The following CATSPERT variants were observed in gnomAD, a reference collection of about 807,000 sequenced individuals.
CATSPERT encodes the protein catsper channel auxiliary subunit tau.
the CATSPERT span, chr2:201,601,669 A>C: frequency 7.1e-7 from 1 of 1,409,216 alleles, no homozygotes; most frequent in Non-Finnish European, 9.6e-7. Flanking sequence ...TTATAAAAAG[A>C]CAGAATTAGG....
the CATSPERT span, among the ~76,000 whole-genome samples, chr2:201,534,056 CTAT>C: frequency 7.1e-6 from 1 of 140,440 alleles, no homozygotes; most frequent in African/African-American, 2.5e-5. Context: ...ATCTATCTAT[CTAT>C]CTATCTATCT....
the CATSPERT span, among the ~76,000 whole-genome samples, chr2:201,489,735 T>A: frequency 2.0e-5 from 3 of 152,222 alleles, no homozygotes; most frequent in Non-Finnish European, 4.4e-5. Flanking sequence ...TTATGGGTCA[T>A]GCCTGTTATG....
chr2:201,499,501 C>G, the CATSPERT span, among the ~76,000 whole-genome samples: 2 of 152,094 alleles, frequency 1.3e-5, no homozygotes, highest in Non-Finnish European at 2.9e-5. Flanking sequence ...CTTTCCATAA[C>G]TAATCCAGCA....
chr2:201,545,461 C>G, the CATSPERT span: 1 of 944,130 alleles, frequency 1.1e-6, no homozygotes, highest in African/African-American at 1.7e-5. Context: ...CTACTTAAAG[C>G]AAATTACTAA....
chr2:201,538,577 G>A, the CATSPERT span, among the ~76,000 whole-genome samples: 1 of 152,020 alleles, frequency 6.6e-6, no homozygotes, highest in South Asian at 2.1e-4. Flanking sequence ...ATCTTTTATG[G>A]TACTCTATGA....
the CATSPERT span, among the ~76,000 whole-genome samples, chr2:201,584,501 C>A: frequency 1.3e-4 from 20 of 151,714 alleles, no homozygotes; most frequent in South Asian, 4.2e-4. Context: ...GAAATAATAG[C>A]TAGCCAGGCA....
chr2:201,569,364 C>T, the CATSPERT span, among the ~76,000 whole-genome samples: 1 of 152,156 alleles, frequency 6.6e-6, no homozygotes, highest in Non-Finnish European at 1.5e-5. Flanking sequence ...TTCCTATCTA[C>T]TCATGTCTAG....
the CATSPERT span, among the ~76,000 whole-genome samples, chr2:201,489,668 A>G: frequency 6.6e-6 from 1 of 152,198 alleles, no homozygotes; most frequent in Non-Finnish European, 1.5e-5. Flanking sequence ...TATGCACATC[A>G]AAGTATCAAT....
At chr2:201,495,862 A>G in the CATSPERT span, 1 of 1,388,916 alleles carries the variant, frequency 7.2e-7, no homozygotes, top group East Asian at 2.3e-5. Flanking sequence ...AATTAAGTAT[A>G]ATGATACTGG....
the CATSPERT span, chr2:201,492,501 A>C: frequency 6.5e-7 from 1 of 1,535,862 alleles, no homozygotes; most frequent in South Asian, 1.2e-5. Context: ...CCTTTGAAAT[A>C]TCTTGTTCTA....
the CATSPERT span, among the ~76,000 whole-genome samples, chr2:201,572,766 A>AG: frequency 6.6e-6 from 1 of 152,220 alleles, no homozygotes; most frequent in Non-Finnish European, 1.5e-5. Context: ...AAAGCAGAGA[A>AG]GGGAAAAAAA....
At chr2:201,507,823 G>A in the CATSPERT span, among the ~76,000 whole-genome samples, 2 of 152,132 alleles carry the variant, frequency 1.3e-5, no homozygotes, top group Non-Finnish European at 2.9e-5. Context: ...ATCATGGTGG[G>A]AGGTGAAGGG....
At chr2:201,591,365 C>G in the CATSPERT span, among the ~76,000 whole-genome samples, 470 of 152,270 alleles carry the variant, frequency 3.1e-3, 3 homozygotes, top group African/African-American at 0.01. Flanking sequence ...GGTACCAGTA[C>G]CATGCTGTTT....
chr2:201,498,471 TC>T, the CATSPERT span, among the ~76,000 whole-genome samples: 1 of 152,068 alleles, frequency 6.6e-6, no homozygotes, highest in African/African-American at 2.4e-5. Flanking sequence ...TCTGCTTTGT[TC>T]TAGCTGAGCT....
chr2:201,572,032 G>A, the CATSPERT span: 7 of 1,583,076 alleles, frequency 4.4e-6, no homozygotes, highest in Non-Finnish European at 6.0e-6. Flanking sequence ...TGAAAAAAAT[G>A]TAAGTGTATT....
chr2:201,492,580 G>A, the CATSPERT span: 1 of 1,530,726 alleles, frequency 6.5e-7, no homozygotes, highest in South Asian at 1.2e-5. Flanking sequence ...AGTCTCAGAT[G>A]CTGTCTCATT....
At chr2:201,589,133 T>C in the CATSPERT span, among the ~76,000 whole-genome samples, 3 of 152,184 alleles carry the variant, frequency 2.0e-5, no homozygotes, top group Admixed American at 6.5e-5. Flanking sequence ...GAACATTCCA[T>C]GCTCATGCAT....
the CATSPERT span, among the ~76,000 whole-genome samples, chr2:201,489,403 C>T: frequency 3.9e-5 from 6 of 151,992 alleles, no homozygotes; most frequent in Admixed American, 6.6e-5. Flanking sequence ...TGTGTAGACA[C>T]GTGTGTATAT....
the CATSPERT span, among the ~76,000 whole-genome samples, chr2:201,503,544 A>C: frequency 2.0e-5 from 3 of 152,204 alleles, no homozygotes; most frequent in South Asian, 6.2e-4. Context: ...ATAGGGGGGC[A>C]CCACCACACC....
Sources: gnomAD v4.1 joint callset for allele counts (sites outside exome capture counted in the v4.1 genomes callset) on GRCh38, gnomAD v4.1.1 for gene constraint, MANE v1.5 for transcripts, NCBI Gene and HGNC (gene_info 2026-07-23, HGNC 2026-07-21) for gene names.